The following SEC14L6 variants were observed in gnomAD, a reference collection of about 807,000 sequenced individuals.
SEC14L6 encodes SEC14-like protein 6.
Under a neutral mutation model 54.1 loss-of-function variants are expected in SEC14L6, and 40 were observed. The ratio of observed to expected loss-of-function variants is 0.74; its 90% CI spans 0.57 to 0.96. The LOEUF (loss-of-function observed/expected upper bound fraction) is 0.96, where lower values mean the gene tolerates loss of function less well. SEC14L6 is among the 40% of genes least tolerant of loss of function. The pLI, the probability that SEC14L6 is intolerant of heterozygous loss-of-function variation, is 0.00. For synonymous variants in SEC14L6, 171 were observed against 198.4 expected, an observed-to-expected ratio of 0.86 and a Z score of 1.16; for missense variants, 471 against 498.3, an observed-to-expected ratio of 0.95 and a Z score of 0.52.
chr22:30,545,782 C>T lies in SEC14L6; in HGVS notation c.54+847G>A, dbSNP rs139968908. 3.1e-3 allele frequency among the ~76,000 whole-genome samples: 473 copies of T among 152,138 alleles called. 4 individuals carry two copies. Among genetic ancestry groups the T allele is most frequent in the African/African-American group, 0.011 (446 of 41,526 alleles). ...GAAGTTAATACATCATTAAACTTTA[C>T]TTCAATTGTTTCTTTTTAGGTTTTT... is the stretch of plus-strand genomic sequence containing the variant. On this transcript the variant is annotated intron_variant, in intron 1 of 11. Transcript: ENST00000402034.
intron 2 of SEC14L6, among the ~76,000 whole-genome samples, 186 bp from the exon 3 acceptor site, chr22:30,534,225 T>C (rs780776255): frequency 6.6e-6 from 1 of 152,190 alleles, no homozygotes; most frequent in Non-Finnish European, 1.5e-5. Flanking sequence ...GGACACAGGC[T>C]CCTTGATTCC....
In SEC14L6 at chr22:30,538,768, C is replaced by T. The variant is rs1186152030; in HGVS notation, c.130+59G>A. 26 of 1,166,404 alleles carry T rather than the reference C, an allele frequency of 2.2e-5. No homozygotes were observed. In the East Asian group the frequency reaches 6.7e-4, roughly 30 times the overall value. The allele number at this position is 1,166,404 out of a possible 1,614,324, so 72.3% of individuals were successfully genotyped here. ...AGTAATTTGATACACTCAATAGATACCAAATACACTCCTCTTTCATGCCAT... is the reference window on the plus strand; with the variant it reads ...AGTAATTTGATACACTCAATAGATATCAAATACACTCCTCTTTCATGCCAT... On this transcript the variant is annotated intron_variant, in intron 2 of 11. Transcript: ENST00000402034.
chr22:30,535,133 T>C (rs1937104045), intron 2 of SEC14L6, among the ~76,000 whole-genome samples: 1 of 152,228 alleles, frequency 6.6e-6, no homozygotes, highest in Non-Finnish European at 1.5e-5. Context: ...TTTTTCTTTT[T>C]CTATACCTTC....
At chr22:30,538,066 G>A (rs985309215) in intron 2 of SEC14L6, among the ~76,000 whole-genome samples, 1 of 152,048 alleles carries the variant, frequency 6.6e-6, no homozygotes, top group Non-Finnish European at 1.5e-5. Flanking sequence ...TTGGCCAGAC[G>A]AGATGGCTCA....
intron 1 of SEC14L6, chr22:30,543,777 C>A (rs1387578103): frequency 1.3e-6 from 2 of 1,533,126 alleles, no homozygotes; most frequent in East Asian, 2.2e-5. Context: ...AAGCCCAGGG[C>A]TCCACTTCTT....
chr22:30,541,715 C>G (rs2085717134), intron 1 of SEC14L6, among the ~76,000 whole-genome samples: 1 of 151,938 alleles, frequency 6.6e-6, no homozygotes, highest in Non-Finnish European at 1.5e-5. Context: ...TGCCTGTAGT[C>G]CCAGCTACTC....
At position 30,532,516 on chromosome 22, in the gene SEC14L6, C is replaced by T. The variant is rs893008357; in HGVS notation, c.423+9G>A. The T allele has an allele frequency of 1.3e-6, 2 of 1,544,010 alleles. No individual in the cohort carries two copies. The highest frequency in any genetic ancestry group is 2.0e-5 in the Admixed American group (1 of 50,720). Reference sequence around the variant, plus strand: ...CCGGCTGCAGCTGCCCAGGGTGGCACCCACACACCTTCTGACTCTGCAGCT... The same window carrying T: ...CCGGCTGCAGCTGCCCAGGGTGGCATCCACACACCTTCTGACTCTGCAGCT... On this transcript the variant is annotated intron_variant, in intron 5 of 11. Coordinates refer to ENST00000402034, the MANE Select transcript of SEC14L6 (RefSeq NM_001193336.4).
chr22:30,524,884 C>A lies in SEC14L6; in HGVS notation c.*113G>T. On this transcript the variant is annotated 3_prime_UTR_variant, in exon 12 of 12. Coordinates refer to ENST00000402034, the MANE Select transcript of SEC14L6 (RefSeq NM_001193336.4). ...GCTGTGATGCATAGGCTGTGACCTG[C>A]TGTTGTAGAATCCCTGTTCCTGAGA... 1.5e-6 allele frequency: 1 copy of A among 670,368 alleles called. No individual in the cohort carries two copies. The highest frequency in any genetic ancestry group is 2.7e-6 in the Non-Finnish European group (1 of 364,006). 41.5% of individuals were successfully genotyped at this position (670,368 alleles called of 1,614,324 possible).
intron 2 of SEC14L6, among the ~76,000 whole-genome samples, chr22:30,537,090 G>A (rs549412309): frequency 7.9e-4 from 117 of 148,624 alleles, no homozygotes; most frequent in African/African-American, 2.7e-3. Context: ...TACAGAATAA[G>A]TGCTCAAAAT....
chr22:30,540,743 G>A (rs1043526939), intron 1 of SEC14L6, among the ~76,000 whole-genome samples: 20 of 150,856 alleles, frequency 1.3e-4, no homozygotes, highest in Non-Finnish European at 2.9e-4. Context: ...AATTGGCTGG[G>A]TGCAGTGGCT....
rs546374360 is a variant in SEC14L6, at chr22:30,541,438, C to G, written c.55-2536G>C. Reference sequence around the variant, plus strand: ...CTTTGGGAAGCCGAGGTGGGTGGATCACTTGAGGCCAGGAGTTCGAGACTA... The same window carrying G: ...CTTTGGGAAGCCGAGGTGGGTGGATGACTTGAGGCCAGGAGTTCGAGACTA... On this transcript the variant is annotated intron_variant, in intron 1 of 11. Transcript: ENST00000402034. Among the ~76,000 whole-genome samples, 38 of 152,294 alleles carry G rather than the reference C, an allele frequency of 2.5e-4. No individual in the cohort carries two copies. In the East Asian group the frequency reaches 6.2e-3, roughly 25 times the overall value.
rs1936730312 is a variant in SEC14L6, at chr22:30,525,346, T to C, written c.1081+4A>G. 1 of 1,613,840 alleles carries C rather than the reference T, an allele frequency of 6.2e-7. No homozygotes were observed. The highest frequency in any genetic ancestry group is 1.7e-5 in the Admixed American group (1 of 59,934). ...CAGGTAGAGCCATCCCTGCCAACTC[T>C]TACAGCTGCCGGCCTGGAGGCAGGT... On this transcript the variant is annotated splice_donor_region_variant and intron_variant, in intron 11 of 11. Coordinates refer to ENST00000402034, the MANE Select transcript of SEC14L6 (RefSeq NM_001193336.4).
chr22:30,527,612 G>A (rs1936817263), intron 8 of SEC14L6, among the ~76,000 whole-genome samples: 1 of 151,180 alleles, frequency 6.6e-6, no homozygotes, highest in Admixed American at 6.6e-5. Flanking sequence ...CTACTTGGGA[G>A]GCTGAAGTGA....
rs546568941 is a variant in SEC14L6 at position 30,529,472 on chromosome 22, T to C, written c.520-123A>G. 1,271 of 750,934 alleles carry C rather than the reference T, an allele frequency of 1.7e-3. 25 individuals carry two copies. The East Asian group carries it at 0.032, about 19-fold the overall frequency. The allele number at this position is 750,934 out of a possible 1,614,324, so 46.5% of individuals were successfully genotyped here. The stretch of plus-strand genomic sequence containing the variant: ...CTCGAATGCCAACCATCCAAGGCTT[T>C]GATGCAGACGGCTCCCGATGCCCAG... On this transcript the variant is annotated intron_variant, in intron 6 of 11. Coordinates refer to ENST00000402034, the MANE Select transcript of SEC14L6 (RefSeq NM_001193336.4).
intron 1 of SEC14L6, chr22:30,543,911 A>G: frequency 2.5e-6 from 4 of 1,604,108 alleles, no homozygotes; most frequent in East Asian, 2.2e-5. Context: ...GCGGAGCCCA[A>G]CAACCACACA....
chr22:30,532,834 T>C lies in SEC14L6; in HGVS notation c.197A>G (p.Gln66Arg). 1 of 1,613,772 alleles carries C rather than the reference T, an allele frequency of 6.2e-7. No individual in the cohort carries two copies. Among genetic ancestry groups the C allele is most frequent in the Non-Finnish European group, 8.5e-7 (1 of 1,179,948 alleles). Residue 66 changes from glutamine to arginine, a missense_variant, in exon 4 of 12, where the codon CAA becomes CGA. By Grantham distance (43) the Gln-to-Arg change is conservative (BLOSUM62 1). Coordinates refer to ENST00000402034, the MANE Select transcript of SEC14L6 (RefSeq NM_001193336.4). ...LRKHMEFRKQQDLANILAWQP... is the reference protein window; with the variant it reads ...LRKHMEFRKQRDLANILAWQP... ...CCAGGCAAGGATGTTGGCCAGGTCT[T>C]GTTGCTTCCGGAACTCCATATGCTG...
At chr22:30,544,098 T>C in intron 1 of SEC14L6, 1 of 1,442,678 alleles carries the variant, frequency 6.9e-7, no homozygotes, top group East Asian at 2.3e-5. Context: ...GACCGTGGTT[T>C]GCTCTAGCAC....
chr22:30,534,287 A>G (rs1197021460), intron 2 of SEC14L6, among the ~76,000 whole-genome samples: 2 of 152,188 alleles, frequency 1.3e-5, no homozygotes, highest in African/African-American at 4.8e-5. Context: ...TGTTCCAGAA[A>G]AGTCATTGAG....
At position 30,538,822 on chromosome 22, in the gene SEC14L6, C is replaced by G; in HGVS notation, c.130+5G>C. The G allele has an allele frequency of 6.4e-7, 1 of 1,552,794 alleles. No individual in the cohort carries two copies. The highest frequency in any genetic ancestry group is 8.7e-7 in the Non-Finnish European group (1 of 1,146,382). On this transcript the variant is annotated splice_donor_5th_base_variant and intron_variant, in intron 2 of 11. Coordinates refer to ENST00000402034, the MANE Select transcript of SEC14L6 (RefSeq NM_001193336.4). ...CCCTACCCCAGCCCCACGCTCTATC[C>G]TTACCTTGGAGCCAGCGCAGGAGGA...
Sources: gnomAD v4.1 joint callset for allele counts (sites outside exome capture counted in the v4.1 genomes callset) on GRCh38, gnomAD v4.1.1 for gene constraint, MANE v1.5 for transcripts, NCBI Gene and HGNC (gene_info 2026-07-23, HGNC 2026-07-21) for gene names.